Variants in SLC30A7 observed in about 807,000 individuals in gnomAD.
SLC30A7 encodes zinc transporter 7.
A neutral mutation model predicts 46.0 loss-of-function variants in SLC30A7; 35 were observed. The observed-to-expected ratio is 0.76, with a 90% CI of 0.58 to 1.01. The LOEUF (loss-of-function observed/expected upper bound fraction) is 1.01. Among genes scored for constraint, SLC30A7 ranks in the 50% least tolerant of loss-of-function variants. The pLI, the probability that SLC30A7 is intolerant of heterozygous loss-of-function variation, is 0.00. For missense variants in SLC30A7, 464 were observed against 451.1 expected, an observed-to-expected ratio of 1.03 and a Z score of -0.26; for synonymous variants, 147 against 157.8, an observed-to-expected ratio of 0.93 and a Z score of 0.51.
chr1:100,993,167 G>C, the SLC30A7 span, among the ~76,000 whole-genome samples: 1 of 151,954 alleles, frequency 6.6e-6, no homozygotes, highest in East Asian at 1.9e-4. Flanking sequence ...AAAGCATCTT[G>C]GATGCTTAAA....
intron 7 of SLC30A7, 111 bp from the exon 8 acceptor site, chr1:100,921,595 A>C (rs1198581971): frequency 1.4e-6 from 1 of 722,618 alleles, no homozygotes; most frequent in Non-Finnish European, 2.2e-6. Context: ...CTTATTTTTG[A>C]AGTTGATATC....
At chr1:100,917,951 T>C in intron 6 of SLC30A7, 126 bp from the exon 7 acceptor site, 1 of 543,176 alleles carries the variant, frequency 1.8e-6, no homozygotes, top group Non-Finnish European at 3.1e-6. Context: ...AAAATAAATT[T>C]GTAAGTTTGA....
At chr1:100,963,759 A>C (rs1013868692) in intron 9 of SLC30A7, among the ~76,000 whole-genome samples, 1 of 152,214 alleles carries the variant, frequency 6.6e-6, no homozygotes, top group African/African-American at 2.4e-5. Flanking sequence ...CATTCATTTA[A>C]ATAGTCACAT....
rs1419390747 is a variant in SLC30A7, at chr1:100,975,843, T to G, written c.*986T>G. The G allele has an allele frequency of 3.3e-5, 5 of 151,194 alleles. No individual in the cohort carries two copies. Among genetic ancestry groups the G allele is most frequent in the East Asian group, 1.9e-4 (1 of 5,176 alleles). 9.4% of individuals were successfully genotyped at this position (151,194 alleles called of 1,614,324 possible). A position where few individuals can be genotyped will look rare whatever the true frequency, so the allele number is the denominator to read the frequency against. The stretch of plus-strand genomic sequence containing the variant: ...GCCCGGCTATGTTTTTTTTTTTTTT[T>G]TTTTTTTTTTTTAACAATGGATATT... On this transcript the variant is annotated 3_prime_UTR_variant, in exon 11 of 11. Transcript: ENST00000357650.
chr1:100,960,630 A>T (rs979569827), intron 8 of SLC30A7, among the ~76,000 whole-genome samples: 1 of 152,136 alleles, frequency 6.6e-6, no homozygotes. Context: ...CTTCACCTAC[A>T]GCTATTATCT....
In SLC30A7 at chr1:100,977,448, T is replaced by C. The variant is rs1656600566; in HGVS notation, c.*2591T>C. 1 of 152,222 alleles carries C rather than the reference T, an allele frequency of 6.6e-6. No homozygotes were observed. The highest frequency in any genetic ancestry group is 2.4e-5 in the African/African-American group (1 of 41,442). 9.4% of individuals were successfully genotyped at this position (152,222 alleles called of 1,614,324 possible). On this transcript the variant is annotated 3_prime_UTR_variant, in exon 11 of 11. Coordinates refer to ENST00000357650, the MANE Select transcript of SLC30A7 (RefSeq NM_133496.5). ...ATTAGTGAGAAAAAGCAACTTTTTGTCACTCTTAGGAAATATTTTGTCTTA... is the reference window on the plus strand; with the variant it reads ...ATTAGTGAGAAAAAGCAACTTTTTGCCACTCTTAGGAAATATTTTGTCTTA...
chr1:100,924,130 G>C (rs57635164), intron 8 of SLC30A7, among the ~76,000 whole-genome samples: 1,822 of 152,184 alleles, frequency 0.012, 36 homozygotes, highest in African/African-American at 0.042. Context: ...ATTATCTTTT[G>C]TTAATAAGGA....
At chr1:100,949,693 T>G (rs1001813873) in intron 8 of SLC30A7, among the ~76,000 whole-genome samples, 6 of 152,178 alleles carry the variant, frequency 3.9e-5, no homozygotes, top group Non-Finnish European at 7.4e-5. Context: ...CTGGCTGTTT[T>G]GTTTACCTAC....
At chr1:100,962,957 A>T (rs1655634340) in intron 9 of SLC30A7, among the ~76,000 whole-genome samples, 1 of 152,158 alleles carries the variant, frequency 6.6e-6, no homozygotes, top group Non-Finnish European at 1.5e-5. Flanking sequence ...TACTTGGTAG[A>T]TGGTAATGCC....
intron 8 of SLC30A7, among the ~76,000 whole-genome samples, chr1:100,957,354 A>G (rs895541931): frequency 1.3e-5 from 2 of 152,242 alleles, no homozygotes; most frequent in African/African-American, 4.8e-5. Flanking sequence ...AAGTATATCT[A>G]TGTGTCATTT....
At position 100,913,716 on chromosome 1, in the gene SLC30A7, C is replaced by G. The variant is rs1252352176; in HGVS notation, c.565C>G (p.His189Asp). The G allele has an allele frequency of 6.2e-7, 1 of 1,613,902 alleles. No homozygotes were observed. The highest frequency in any genetic ancestry group is 1.3e-5 in the African/African-American group (1 of 75,040). Residue 189 changes from histidine (H) to aspartate (D), a missense_variant, in exon 6 of 11, where the codon CAT becomes GAT. Coordinates refer to ENST00000357650, the MANE Select transcript of SLC30A7 (RefSeq NM_133496.5). ...FNGALDQAHG[H>D]VDHCHSHEVK... is the part of the protein sequence containing the mutation. ...TGGTGCTCTAGATCAGGCACATGGCCATGTCGATCATTGCCATAGCCATGA... is the reference window on the plus strand; with the variant it reads ...TGGTGCTCTAGATCAGGCACATGGCGATGTCGATCATTGCCATAGCCATGA...
At chr1:100,970,597 C>T (rs890822933) in intron 10 of SLC30A7, among the ~76,000 whole-genome samples, 5 of 150,914 alleles carry the variant, frequency 3.3e-5, no homozygotes, top group African/African-American at 1.2e-4. Context: ...CCCTCTTTTT[C>T]CCCTTGCACT....
intron 10 of SLC30A7, among the ~76,000 whole-genome samples, chr1:100,970,829 T>A (rs1192929474): frequency 6.6e-6 from 1 of 152,036 alleles, no homozygotes; most frequent in Admixed American, 6.6e-5. Context: ...ACCTTTTTTG[T>A]TAGAAATAAT....
rs1012305871 is a variant in SLC30A7 at position 100,896,163 on chromosome 1, G to T, written c.-100G>T. 33 of 1,046,038 alleles carry T rather than the reference G, an allele frequency of 3.2e-5. No homozygotes were observed. Among genetic ancestry groups the T allele is most frequent in the Non-Finnish European group, 4.9e-5 (33 of 674,198 alleles). The allele number at this position is 1,046,038 out of a possible 1,614,324, so 64.8% of individuals were successfully genotyped here. ...CAGCGGCGCGCGGCCCCGGACAAGC[G>T]CTGGGGATTCCCGTTTGAGGCGTCA... On this transcript the variant is annotated 5_prime_UTR_variant, in exon 1 of 11. Transcript: ENST00000357650.
chr1:100,966,520 G>C (rs1655885478), intron 10 of SLC30A7, among the ~76,000 whole-genome samples: 1 of 151,278 alleles, frequency 6.6e-6, no homozygotes, highest in Admixed American at 6.6e-5. Flanking sequence ...AGGAGGCGGA[G>C]CTTGCAGTGA....
the SLC30A7 span, among the ~76,000 whole-genome samples, chr1:100,987,192 C>G: frequency 1.3e-5 from 2 of 152,098 alleles, no homozygotes; most frequent in African/African-American, 4.8e-5. Context: ...TCAGTTTTAC[C>G]TGTTACGTTA....
intron 6 of SLC30A7, 83 bp from the exon 7 acceptor site, chr1:100,917,994 C>A (rs1652688149): frequency 9.7e-7 from 1 of 1,035,242 alleles, no homozygotes; most frequent in Non-Finnish European, 1.5e-6. Context: ...CTTGATGATG[C>A]ATTTGAATGA....
intron 8 of SLC30A7, among the ~76,000 whole-genome samples, chr1:100,955,162 A>G (rs1224732613): frequency 6.6e-6 from 1 of 152,070 alleles, no homozygotes; most frequent in Non-Finnish European, 1.5e-5. Context: ...AGTTTTCGTA[A>G]TGCATACCCT....
the SLC30A7 span, among the ~76,000 whole-genome samples, chr1:100,988,070 C>T: frequency 6.6e-6 from 1 of 152,082 alleles, no homozygotes; most frequent in African/African-American, 2.4e-5. Flanking sequence ...CACCAAGGTC[C>T]TTGGAGTCTT....
Sources: allele counts gnomAD v4.1 joint callset (sites outside exome capture counted in the v4.1 genomes callset), GRCh38; gene constraint gnomAD v4.1.1; transcripts MANE v1.5; gene names NCBI Gene and HGNC (gene_info 2026-07-23, HGNC 2026-07-21).